The following PAPSS2 variants were observed in gnomAD, a reference collection of about 807,000 sequenced individuals.
The protein encoded by PAPSS2 is bifunctional 3'-phosphoadenosine 5'-phosphosulfate synthase 2.
A neutral mutation model predicts 66.5 loss-of-function variants in PAPSS2; 61 were observed. The observed-to-expected ratio is 0.92, with a 90% confidence interval of 0.75 to 1.14. The LOEUF is 1.14. Ranked by LOEUF, PAPSS2 falls within the 50% of genes most tolerant of loss-of-function variation. The pLI, the probability that PAPSS2 is intolerant of heterozygous loss-of-function variation, is 0.00. For missense variants in PAPSS2, 708 were observed against 789.6 expected, an observed-to-expected ratio of 0.90 and a Z score of 1.24; for synonymous variants, 289 against 287.5, an observed-to-expected ratio of 1.01 and a Z score of -0.05.
At chr10:87,717,014 A>G (rs942903000) in intron 7 of PAPSS2, among the ~76,000 whole-genome samples, 3 of 152,174 alleles carry the variant, frequency 2.0e-5, no homozygotes. Context: ...TGCTCATAAC[A>G]TTCATAAGTG....
chr10:87,698,703 G>A (rs955501788), intron 1 of PAPSS2, among the ~76,000 whole-genome samples: 1 of 152,052 alleles, frequency 6.6e-6, no homozygotes, highest in Non-Finnish European at 1.5e-5. Flanking sequence ...ACTTACGAAC[G>A]ATATTTTCCT....
intron 9 of PAPSS2, among the ~76,000 whole-genome samples, chr10:87,728,979 A>G (rs966533750): frequency 6.6e-6 from 1 of 151,912 alleles, no homozygotes. Flanking sequence ...AAAAATTTTT[A>G]TTTATGATTT....
chr10:87,661,595 C>T (rs890610142), intron 1 of PAPSS2, among the ~76,000 whole-genome samples: 3 of 151,998 alleles, frequency 2.0e-5, no homozygotes, highest in Non-Finnish European at 4.4e-5. Flanking sequence ...TAGAAAGGGA[C>T]GAGGTGGTCT....
rs1182579406 is a variant in PAPSS2 at position 87,718,575 on chromosome 10, G to A, written c.865+2732G>A. ...CAAGTGTTTTTGGGAGTCCCCAAGG[G>A]GTGCGTTTCCTGTGTTCCTGAGTCA... is the stretch of plus-strand genomic sequence containing the variant. On this transcript the variant is annotated intron_variant, in intron 7 of 12. Coordinates refer to ENST00000456849, the MANE Select transcript of PAPSS2 (RefSeq NM_001015880.2). 2.0e-5 allele frequency among the ~76,000 whole-genome samples: 3 copies of A among 152,172 alleles called. No individual in the cohort carries two copies. The South Asian group carries it at 6.2e-4, about 32-fold the overall frequency.
intron 1 of PAPSS2, among the ~76,000 whole-genome samples, chr10:87,699,291 C>T (rs1319375920): frequency 6.6e-6 from 1 of 152,094 alleles, no homozygotes; most frequent in Non-Finnish European, 1.5e-5. Context: ...TCAAGGTTAA[C>T]ATATATATTT....
chr10:87,732,996 G>T (rs12267955), intron 9 of PAPSS2, among the ~76,000 whole-genome samples: 1 of 152,146 alleles, frequency 6.6e-6, no homozygotes, highest in Non-Finnish European at 1.5e-5. Flanking sequence ...GAAGATTGTC[G>T]CATGTACCAA....
intron 1 of PAPSS2, among the ~76,000 whole-genome samples, chr10:87,674,928 A>G (rs1852927027): frequency 6.6e-6 from 1 of 152,208 alleles, no homozygotes; most frequent in South Asian, 2.1e-4. Flanking sequence ...AGAAACCTCC[A>G]TGCATGGGTG....
rs907836191 is a variant in PAPSS2, at chr10:87,709,102, G to A, written c.28-94G>A. The A allele has an allele frequency of 3.3e-4, 258 of 790,300 alleles. 1 individual carries two copies. The highest frequency in any genetic ancestry group is 1.3e-4 in the Non-Finnish European group (60 of 447,784). 49.0% of individuals were successfully genotyped at this position (790,300 alleles called of 1,614,324 possible). On this transcript the variant is annotated intron_variant, in intron 1 of 12. Coordinates refer to ENST00000456849, the MANE Select transcript of PAPSS2 (RefSeq NM_001015880.2). ...ATAAGTTGTTACATGTATCAGTTTC[G>A]CAATTAAAAGTTTAAGATGGATTTA...
intron 1 of PAPSS2, among the ~76,000 whole-genome samples, chr10:87,702,844 G>T (rs1034707416): frequency 7.2e-5 from 11 of 152,108 alleles, no homozygotes; most frequent in African/African-American, 2.4e-4. Context: ...TCCTCCCTGG[G>T]ACACATGCTT....
At position 87,745,830 on chromosome 10, in the gene PAPSS2, A is replaced by C; in HGVS notation, c.1722-2A>C. 3.7e-6 allele frequency: 6 copies of C among 1,614,034 alleles called. No individual in the cohort carries two copies. The highest frequency in any genetic ancestry group is 5.1e-6 in the Non-Finnish European group (6 of 1,179,912). On this transcript the variant is annotated splice_acceptor_variant, in intron 12 of 12. Transcript: ENST00000456849. LOFTEE classifies it high-confidence loss of function. ...GAGTTCTTTGTTGCCACCCTGTAAC[A>C]GGCACAATGAGTTTGACTTCATCTC...
At chr10:87,700,169 T>G (rs919233594) in intron 1 of PAPSS2, among the ~76,000 whole-genome samples, 11 of 152,328 alleles carry the variant, frequency 7.2e-5, no homozygotes, top group African/African-American at 2.6e-4. Flanking sequence ...TTTCACTATT[T>G]TAGATAATAT....
chr10:87,714,705 T>C (rs764120251), intron 4 of PAPSS2, 40 bp from the exon 5 acceptor site: 6 of 1,095,624 alleles, frequency 5.5e-6, no homozygotes, highest in Non-Finnish European at 8.5e-6. Context: ...GATTATTCTG[T>C]CAATACAGAT....
chr10:87,686,047 G>A (rs1265226987), intron 1 of PAPSS2, among the ~76,000 whole-genome samples: 1 of 151,952 alleles, frequency 6.6e-6, no homozygotes, highest in African/African-American at 2.4e-5. Context: ...GAGTTCAGAT[G>A]TTCCCTAGCC....
At chr10:87,722,684 G>T (rs115008687) in intron 8 of PAPSS2, among the ~76,000 whole-genome samples, 3,225 of 152,288 alleles carry the variant, frequency 0.021, 100 homozygotes, top group African/African-American at 0.073. Context: ...GAAAACTCAA[G>T]TCAGGGTTGA....
At chr10:87,743,703 A>G in intron 11 of PAPSS2, 62 bp downstream of exon 11, 1 of 1,566,168 alleles carries the variant, frequency 6.4e-7, no homozygotes, top group Non-Finnish European at 8.8e-7. Flanking sequence ...TTTACATAGA[A>G]GAGTAAATGA....
intron 1 of PAPSS2, among the ~76,000 whole-genome samples, chr10:87,706,234 T>A (rs995772616): frequency 5.3e-5 from 8 of 150,168 alleles, no homozygotes; most frequent in African/African-American, 2.0e-4. Context: ...GATTCTTCTT[T>A]GTTTGGTACT....
chr10:87,714,030 A>G lies in PAPSS2; in HGVS notation c.382-14A>G, dbSNP rs760366436. On this transcript the variant is annotated splice_polypyrimidine_tract_variant and intron_variant, in intron 3 of 12. Transcript: ENST00000456849. ...GAAACCTCTTTTTACATTCTTAATCATATTGCTTTTCAGGATCGTGAGAAT... is the reference window on the plus strand; with the variant it reads ...GAAACCTCTTTTTACATTCTTAATCGTATTGCTTTTCAGGATCGTGAGAAT... The G allele has an allele frequency of 2.5e-6, 4 of 1,613,578 alleles. No individual in the cohort carries two copies. Among genetic ancestry groups the G allele is most frequent in the Non-Finnish European group, 3.4e-6 (4 of 1,179,686 alleles).
rs189407181 is a variant in PAPSS2, at chr10:87,747,162, T to G, written c.*1192T>G. 6.5e-4 allele frequency: 98 copies of G among 151,696 alleles called. No individual in the cohort carries two copies. Among genetic ancestry groups the G allele is most frequent in the African/African-American group, 2.3e-3 (96 of 41,278 alleles). 9.4% of individuals were successfully genotyped at this position (151,696 alleles called of 1,614,324 possible). On this transcript the variant is annotated 3_prime_UTR_variant, in exon 13 of 13. Transcript: ENST00000456849. Reference sequence around the variant, plus strand: ...TACTGAAAGGTCGAGTTTTCTGAACTGCACTGATTTTATTGCAGTTGAAAA... The same window carrying G: ...TACTGAAAGGTCGAGTTTTCTGAACGGCACTGATTTTATTGCAGTTGAAAA...
chr10:87,686,141 G>GTTT (rs572035192), intron 1 of PAPSS2, among the ~76,000 whole-genome samples: 7 of 137,240 alleles, frequency 5.1e-5, no homozygotes, highest in African/African-American at 1.6e-4. Flanking sequence ...ATGGAAGGTG[G>GTTT]TTTTTTTTTT....
Sources: allele counts gnomAD v4.1 joint callset (sites outside exome capture counted in the v4.1 genomes callset), GRCh38; gene constraint gnomAD v4.1.1; transcripts MANE v1.5; gene names NCBI Gene and HGNC (gene_info 2026-07-23, HGNC 2026-07-21).